Variants in PPARGC1B observed in about 807,000 individuals in gnomAD.
PPARGC1B encodes the protein peroxisome proliferator-activated receptor gamma coactivator 1-beta.
A neutral mutation model predicts 101.6 loss-of-function variants in PPARGC1B; 34 were observed. That is an observed-to-expected ratio of 0.33 (90% CI 0.25 to 0.45). PPARGC1B has a LOEUF of 0.45. Ranked by LOEUF, PPARGC1B falls within the 20% of genes least tolerant of loss-of-function variation. The pLI, the probability that PPARGC1B is intolerant of heterozygous loss-of-function variation, is 1.00. For missense variants in PPARGC1B, 1,234 were observed against 1,317.6 expected, an observed-to-expected ratio of 0.94 and a Z score of 0.98; for synonymous variants, 548 against 539.3, an observed-to-expected ratio of 1.02 and a Z score of -0.22.
intron 1 of PPARGC1B, among the ~76,000 whole-genome samples, chr5:149,759,025 A>C (rs1008617456): frequency 2.0e-5 from 3 of 152,216 alleles, no homozygotes; most frequent in Non-Finnish European, 4.4e-5. Flanking sequence ...CTTTCAAAGG[A>C]AATAAAAACC....
chr5:149,742,258 C>T (rs1050864399), intron 1 of PPARGC1B, among the ~76,000 whole-genome samples: 13 of 152,302 alleles, frequency 8.5e-5, no homozygotes, highest in African/African-American at 3.1e-4. Context: ...GGGGGCCCCG[C>T]CATGAAGTGT....
At chr5:149,784,008 A>G (rs1581049207) in intron 1 of PPARGC1B, among the ~76,000 whole-genome samples, 1 of 151,632 alleles carries the variant, frequency 6.6e-6, no homozygotes, top group Non-Finnish European at 1.5e-5. Context: ...GGCATGGGAG[A>G]CCCCCTGACT....
rs1759127999 is a variant in PPARGC1B at position 149,837,069 on chromosome 5, T to G, written c.2614T>G (p.Phe872Val). 5 of 1,611,358 alleles carry G rather than the reference T, an allele frequency of 3.1e-6. No homozygotes were observed. Among genetic ancestry groups the G allele is most frequent in the South Asian group, 1.1e-5 (1 of 90,752 alleles). The change falls in exon 8 of 12, where the codon TTC becomes GTC. Residue 872 changes from phenylalanine to valine, a missense_variant. Coordinates refer to ENST00000309241, the MANE Select transcript of PPARGC1B (RefSeq NM_133263.4). The surrounding 1 kb of genome is among the most constrained non-coding windows in gnomAD (Gnocchi z 4.2). ...HSWSPATRRN[F>V]RCESRGPCSD... Reference sequence around the variant, plus strand: ...CTGGTCACCAGCCACTCGAAGGAACTTCAGGTATGAACAGGGGGCTGCAGG... The same window carrying G: ...CTGGTCACCAGCCACTCGAAGGAACGTCAGGTATGAACAGGGGGCTGCAGG...
chr5:149,806,923 T>A (rs1757622595), intron 1 of PPARGC1B, among the ~76,000 whole-genome samples: 1 of 152,016 alleles, frequency 6.6e-6, no homozygotes, highest in Non-Finnish European at 1.5e-5. Flanking sequence ...TTAAAAAAAA[T>A]TGTGGTAAAA....
At chr5:149,778,266 A>T (rs1756468749) in intron 1 of PPARGC1B, among the ~76,000 whole-genome samples, 1 of 151,652 alleles carries the variant, frequency 6.6e-6, no homozygotes, top group African/African-American at 2.4e-5. Flanking sequence ...CTGACCCAAG[A>T]GTGGTGAGGA....
intron 1 of PPARGC1B, among the ~76,000 whole-genome samples, chr5:149,805,321 A>G (rs1423255041): frequency 6.6e-6 from 1 of 152,222 alleles, no homozygotes; most frequent in Non-Finnish European, 1.5e-5. Flanking sequence ...TAGCCTACAA[A>G]GTAGTGTATA....
Position 149,820,427 on chromosome 5 carries a change from C to T in PPARGC1B, c.79-6C>T, listed in dbSNP as rs746637664. 15 of 1,613,254 alleles carry T rather than the reference C, an allele frequency of 9.3e-6. No individual in the cohort carries two copies. The South Asian group carries it at 1.5e-4, about 17-fold the overall frequency. ...TGATCCACCTCTTTCCTTCCTGTCT[C>T]CTCAGGGTGGAGGGTCCGGGGAGGA... On this transcript the variant is annotated splice_region_variant and splice_polypyrimidine_tract_variant and intron_variant, in intron 1 of 11. Coordinates refer to ENST00000309241, the MANE Select transcript of PPARGC1B (RefSeq NM_133263.4).
At chr5:149,780,426 C>T (rs983234309) in intron 1 of PPARGC1B, among the ~76,000 whole-genome samples, 1 of 152,324 alleles carries the variant, frequency 6.6e-6, no homozygotes. Flanking sequence ...TCCACTGTCT[C>T]AGCATTGAAC....
At position 149,836,451 on chromosome 5, in the gene PPARGC1B, T is replaced by C; in HGVS notation, c.1996T>C (p.Ser666Pro). The C allele has an allele frequency of 6.2e-7, 1 of 1,614,038 alleles. No individual in the cohort carries two copies. The highest frequency in any genetic ancestry group is 8.5e-7 in the Non-Finnish European group (1 of 1,180,028). Residue 666 changes from serine to proline, a missense_variant, in exon 8 of 12, where the codon TCC becomes CCC. This residue lies in a region of PPARGC1B where 497 missense variants were observed against 529.5 expected (regional missense o/e 0.94). Coordinates refer to ENST00000309241, the MANE Select transcript of PPARGC1B (RefSeq NM_133263.4). ...GCACCCAGAGCGAAGTGAGCTCCTGTCCCACCTGCGACATGCCACAGCCCA... is the reference window on the plus strand; with the variant it reads ...GCACCCAGAGCGAAGTGAGCTCCTGCCCCACCTGCGACATGCCACAGCCCA... ...KKHPERSELL[S>P]HLRHATAQPA...
chr5:149,734,308 C>G (rs1439378004), intron 1 of PPARGC1B, among the ~76,000 whole-genome samples: 1 of 103,308 alleles, frequency 9.7e-6, no homozygotes, highest in African/African-American at 4.3e-5. Context: ...GACAAAAGAG[C>G]GAAACTCATT....
intron 1 of PPARGC1B, among the ~76,000 whole-genome samples, chr5:149,757,801 TG>T (rs549245577): frequency 1.2e-4 from 18 of 152,256 alleles, no homozygotes; most frequent in Non-Finnish European, 2.4e-4. Flanking sequence ...GAAACTAGCG[TG>T]GCTAGCTCAT....
chr5:149,755,073 A>ATATAT (rs1341785126), intron 1 of PPARGC1B, among the ~76,000 whole-genome samples: 5 of 142,924 alleles, frequency 3.5e-5, no homozygotes, highest in African/African-American at 5.3e-5. Flanking sequence ...ATATATATAT[A>ATATAT]ATTTTTTTTT....
intron 2 of PPARGC1B, among the ~76,000 whole-genome samples, chr5:149,824,986 G>A (rs901931504): frequency 1.3e-5 from 2 of 152,250 alleles, no homozygotes; most frequent in African/African-American, 4.8e-5. Flanking sequence ...CACGAGACGT[G>A]TATTTCAGAT....
Position 149,730,347 on chromosome 5 carries a change from C to T in PPARGC1B, c.5C>T (p.Ala2Val), listed in dbSNP as rs757423031. MAGNDCGALLDE... is the reference protein window; with the variant it reads MVGNDCGALLDE... ...CGCTGCAGCCGCGGCTGGAAGATGG[C>T]GGGGAACGACTGCGGCGCGCTGCTG... Residue 2 changes from alanine (A) to valine (V), a missense_variant, in exon 1 of 12, where the codon GCG becomes GTG. Ala to Val is a moderately conservative substitution (Grantham distance 64). Coordinates refer to ENST00000309241, the MANE Select transcript of PPARGC1B (RefSeq NM_133263.4). This position sits in a 1 kb window ranked among gnomAD's most constrained non-coding sequence, Gnocchi z 4.0. The T allele has an allele frequency of 7.0e-6, 11 of 1,561,718 alleles. No homozygotes were observed. The highest frequency in any genetic ancestry group is 1.9e-5 in the Admixed American group (1 of 53,734).
At chr5:149,763,157 C>G (rs987463765) in intron 1 of PPARGC1B, among the ~76,000 whole-genome samples, 1 of 129,462 alleles carries the variant, frequency 7.7e-6, no homozygotes, top group African/African-American at 2.7e-5. Context: ...TCCCTCCCCA[C>G]TCTGGCCCTG....
In PPARGC1B at chr5:149,833,414, G is replaced by A. The variant is rs779260317; in HGVS notation, c.1341G>A (p.Glu447=). ...EEEEEEEEKE[E]EEEWGRKRPG... Reference sequence around the variant, plus strand: ...AGGAAGAGGAAGAAGAAAAAGAGGAGGAGGAGGAGTGGGGCAGGAAAAGGC... The same window carrying A: ...AGGAAGAGGAAGAAGAAAAAGAGGAAGAGGAGGAGTGGGGCAGGAAAAGGC... The change falls in exon 5 of 12, where the codon GAG becomes GAA. Residue 447 remains glutamate, a synonymous_variant. Coordinates refer to ENST00000309241, the MANE Select transcript of PPARGC1B (RefSeq NM_133263.4). The surrounding 1 kb of genome is among the most constrained non-coding windows in gnomAD (Gnocchi z 4.1). 10 of 1,598,176 alleles carry A rather than the reference G, an allele frequency of 6.3e-6. No individual in the cohort carries two copies. Among genetic ancestry groups the A allele is most frequent in the Non-Finnish European group, 8.5e-6 (10 of 1,172,292 alleles).
chr5:149,738,322 A>T (rs1754799290), intron 1 of PPARGC1B, among the ~76,000 whole-genome samples: 1 of 152,062 alleles, frequency 6.6e-6, no homozygotes, highest in African/African-American at 2.4e-5. Flanking sequence ...CATTTCACCC[A>T]CCTTTTGTTT....
At chr5:149,747,043 G>A (rs1755119064) in intron 1 of PPARGC1B, among the ~76,000 whole-genome samples, 1 of 152,092 alleles carries the variant, frequency 6.6e-6, no homozygotes, top group South Asian at 2.1e-4. Flanking sequence ...CATTCTATGT[G>A]TTGCCTTTTT....
At chr5:149,755,568 CCTT>C (rs935454583) in intron 1 of PPARGC1B, among the ~76,000 whole-genome samples, 1 of 150,744 alleles carries the variant, frequency 6.6e-6, no homozygotes, top group Non-Finnish European at 1.5e-5. Flanking sequence ...GTGCGGGAGT[CCTT>C]CTTGTCTGCT....
Sources: gnomAD v4.1 joint callset for allele counts (sites outside exome capture counted in the v4.1 genomes callset) on GRCh38, gnomAD v4.1.1 for gene constraint, gnomAD v4.1.1 regional missense constraint, Gnocchi (gnomAD v3.1) non-coding constraint, MANE v1.5 for transcripts, NCBI Gene and HGNC (gene_info 2026-07-23, HGNC 2026-07-21) for gene names.